FBXO6: variants seen among roughly 807,000 people sequenced by gnomAD.
FBXO6 encodes F-box protein 6.
In FBXO6, 13 loss-of-function variants were observed where a neutral mutation model predicts 25.0. That is an observed-to-expected ratio of 0.52 (90% confidence interval 0.34 to 0.83). The LOEUF (loss-of-function observed/expected upper bound fraction) is 0.83, where lower values mean the gene tolerates loss of function less well. FBXO6 is among the 40% of genes least tolerant of loss of function. FBXO6 has a pLI of 0.02. For synonymous variants in FBXO6, 138 were observed against 155.3 expected, an observed-to-expected ratio of 0.89 and a Z score of 0.83; for missense variants, 370 against 380.2, an observed-to-expected ratio of 0.97 and a Z score of 0.22.
At chr1:11,669,663 C>CGTATAT (rs1553167064) in intron 2 of FBXO6, among the ~76,000 whole-genome samples, 1 of 124,624 alleles carries the variant, frequency 8.0e-6, no homozygotes, top group Admixed American at 8.2e-5. Context: ...TACATATACA[C>CGTATAT]ATGTATATAT....
Position 11,673,913 on chromosome 1 carries a change from G to A in FBXO6, c.*62G>A. The A allele has an allele frequency of 6.6e-7, 1 of 1,510,984 alleles. No individual in the cohort carries two copies. The highest frequency in any genetic ancestry group is 9.2e-7 in the Non-Finnish European group (1 of 1,089,216). 93.6% of individuals were successfully genotyped at this position (1,510,984 alleles called of 1,614,324 possible). On this transcript the variant is annotated 3_prime_UTR_variant, in exon 6 of 6. Transcript: ENST00000376753. The surrounding 1 kb of genome is among the most constrained non-coding windows in gnomAD (Gnocchi z 4.3). Reference sequence around the variant, plus strand: ...CCTCCAGGCAGGAGCTGAGCATGGGGTGGGCAGTGAGGTCCCTGTACCAGC... The same window carrying A: ...CCTCCAGGCAGGAGCTGAGCATGGGATGGGCAGTGAGGTCCCTGTACCAGC...
chr1:11,673,680 G>C lies in FBXO6; in HGVS notation c.711G>C (p.Arg237Ser), dbSNP rs775624147. The change falls in exon 6 of 6, where the codon AGG becomes AGC. Residue 237 changes from arginine to serine, a missense_variant. Transcript: ENST00000376753. The surrounding 1 kb of genome is among the most constrained non-coding windows in gnomAD (Gnocchi z 4.3). ...VRYILFQHGG[R>S]DTQYWAGWYG... ...ACATCCTCTTCCAGCATGGGGGCAG[G>C]GACACCCAGTACTGGGCAGGCTGGT... is the stretch of plus-strand genomic sequence containing the variant. 1.2e-5 allele frequency: 19 copies of C among 1,613,948 alleles called. No individual in the cohort carries two copies. Among genetic ancestry groups the C allele is most frequent in the Non-Finnish European group, 1.5e-5 (18 of 1,180,026 alleles).
rs28924120 is a variant in FBXO6 at position 11,673,809 on chromosome 1, G to A, written c.840G>A (p.Glu280=). 3.0e-5 allele frequency: 49 copies of A among 1,613,984 alleles called. No homozygotes were observed. Among genetic ancestry groups the A allele is most frequent in the Non-Finnish European group, 4.1e-5 (48 of 1,180,044 alleles). The change falls in exon 6 of 6, where the codon GAG becomes GAA. Residue 280 remains glutamate (E), a synonymous_variant. Coordinates refer to ENST00000376753, the MANE Select transcript of FBXO6 (RefSeq NM_018438.6). This position sits in a 1 kb window ranked among gnomAD's most constrained non-coding sequence, Gnocchi z 4.3. The part of the protein sequence containing the change: ...AQPGQKHGQE[E]AAQSPYRAVV... ...CTGGGCAGAAGCATGGACAGGAGGAGGCTGCCCAATCGCCCTACCGAGCTG... is the reference window on the plus strand; with the variant it reads ...CTGGGCAGAAGCATGGACAGGAGGAAGCTGCCCAATCGCCCTACCGAGCTG...
chr1:11,673,316 C>CA lies in FBXO6; in HGVS notation c.552dup (p.Val185SerfsTer7). ...CCGACTGTGGCTGCACCTACCAACTCAAAGTGCAGCTGGCCTCGGCTGACT... is the reference window on the plus strand; with the variant it reads ...CCGACTGTGGCTGCACCTACCAACTCAAAAGTGCAGCTGGCCTCGGCTGACT... On this transcript the variant is annotated frameshift_variant, in exon 5 of 6. Coordinates refer to ENST00000376753, the MANE Select transcript of FBXO6 (RefSeq NM_018438.6). LOFTEE classifies it high-confidence loss of function. This position sits in a 1 kb window ranked among gnomAD's most constrained non-coding sequence, Gnocchi z 4.3. The CA allele has an allele frequency of 6.2e-7, 1 of 1,614,036 alleles. No homozygotes were observed. The highest frequency in any genetic ancestry group is 8.5e-7 in the Non-Finnish European group (1 of 1,179,996).
chr1:11,672,105 A>AAGTGCCCACTCTGCACAGC (rs1640635395), intron 4 of FBXO6, 82 bp downstream of exon 4: 11 of 1,265,882 alleles, frequency 8.7e-6, no homozygotes, highest in Non-Finnish European at 1.2e-5. Context: ...AACCCATAGC[A>AAGTGCCCACTCTGCACAGC]AGTGCCCACT....
chr1:11,665,136 C>T lies in FBXO6; in HGVS notation c.-4+881C>T, dbSNP rs564188339. Reference sequence around the variant, plus strand: ...CACGGCTCACTGCAGCCTCGACTTCCTGGGCTCAAGCGTTCCTCCTGCCTC... The same window carrying T: ...CACGGCTCACTGCAGCCTCGACTTCTTGGGCTCAAGCGTTCCTCCTGCCTC... On this transcript the variant is annotated intron_variant, in intron 1 of 5. Transcript: ENST00000376753. Among the ~76,000 whole-genome samples the T allele has an allele frequency of 4.6e-5, 7 of 151,454 alleles. No homozygotes were observed. The South Asian group carries it at 8.4e-4, about 18-fold the overall frequency.
chr1:11,668,908 C>G lies in FBXO6; in HGVS notation c.250C>G (p.Leu84Val), dbSNP rs778911625. The G allele has an allele frequency of 5.0e-6, 8 of 1,614,120 alleles. No individual in the cohort carries two copies. The highest frequency in any genetic ancestry group is 1.6e-4 in the Middle Eastern group (1 of 6,062). ...GAAAATCTTCTACTTCCTACGGAGC[C>G]TGCATAGGAACCTCCTGCGCAACCC... ...DWKIFYFLRS[L>V]HRNLLRNPCA... Residue 84 changes from leucine (L) to valine (V), a missense_variant, in exon 2 of 6, where the codon CTG (leucine) becomes GTG (valine). Leu to Val is a conservative substitution (Grantham distance 32). Coordinates refer to ENST00000376753, the MANE Select transcript of FBXO6 (RefSeq NM_018438.6).
Position 11,673,787 on chromosome 1 carries a change from G to A in FBXO6, c.818G>A (p.Gly273Glu). ...RNQASSEAQP[G>E]QKHGQEEAAQ... ...CAGGCCTCCTCCGAGGCTCAGCCTG[G>A]GCAGAAGCATGGACAGGAGGAGGCT... is the stretch of plus-strand genomic sequence containing the variant. The change falls in exon 6 of 6, where the codon GGG becomes GAG. Residue 273 changes from glycine to glutamate, a missense_variant. Transcript: ENST00000376753. The surrounding 1 kb of genome is among the most constrained non-coding windows in gnomAD (Gnocchi z 4.3). The A allele has an allele frequency of 6.2e-7, 1 of 1,614,136 alleles. No homozygotes were observed. Among genetic ancestry groups the A allele is most frequent in the Non-Finnish European group, 8.5e-7 (1 of 1,180,042 alleles).
At chr1:11,669,931 CG>C (rs1557673219) in intron 2 of FBXO6, among the ~76,000 whole-genome samples, 2 of 140,266 alleles carry the variant, frequency 1.4e-5, no homozygotes, top group African/African-American at 2.6e-5. Flanking sequence ...GCCACCACAC[CG>C]CCGGGGGCGG....
At position 11,673,218 on chromosome 1, in the gene FBXO6, C is replaced by G; in HGVS notation, c.510-59C>G. 6.4e-7 allele frequency: 1 copy of G among 1,554,722 alleles called. No individual in the cohort carries two copies. Among genetic ancestry groups the G allele is most frequent in the Non-Finnish European group, 8.7e-7 (1 of 1,151,230 alleles). On this transcript the variant is annotated intron_variant, in intron 4 of 5. Coordinates refer to ENST00000376753, the MANE Select transcript of FBXO6 (RefSeq NM_018438.6). The surrounding 1 kb of genome is among the most constrained non-coding windows in gnomAD (Gnocchi z 4.3). ...CTCCAATGTATAGGTCCCACCTGCC[C>G]CCACCCCTGGGGCCAGCCCTCGGTG... is the stretch of plus-strand genomic sequence containing the variant.
At chr1:11,664,499 GC>G (rs1640341583) in intron 1 of FBXO6, 1 of 146,356 alleles carries the variant, frequency 6.8e-6, no homozygotes, top group African/African-American at 2.6e-5. Context: ...CACGGAGCCT[GC>G]GGGCGCTGGT....
rs762928966 is a variant in FBXO6 at position 11,673,771 on chromosome 1, T to TC, written c.804dup (p.Glu269ArgfsTer68). The TC allele has an allele frequency of 1.3e-5, 21 of 1,614,060 alleles. No individual in the cohort carries two copies. Among genetic ancestry groups the TC allele is most frequent in the Non-Finnish European group, 1.7e-5 (20 of 1,180,024 alleles). On this transcript the variant is annotated frameshift_variant, in exon 6 of 6. Transcript: ENST00000376753. LOFTEE classifies it low-confidence loss of function (END_TRUNC). This position sits in a 1 kb window ranked among gnomAD's most constrained non-coding sequence, Gnocchi z 4.3. ...CAAGATGACCAGGAACCAGGCCTCC[T>TC]CCGAGGCTCAGCCTGGGCAGAAGCA... is the stretch of plus-strand genomic sequence containing the variant.
Position 11,671,117 on chromosome 1 carries a change from G to T in FBXO6, c.287-149G>T, listed in dbSNP as rs144287865. 2.3e-4 allele frequency: 220 copies of T among 975,882 alleles called. 2 individuals are homozygous for T. In the African/African-American group the frequency reaches 3.0e-3, roughly 14 times the overall value. The allele number at this position is 975,882 out of a possible 1,614,324, so 60.5% of individuals were successfully genotyped here. On this transcript the variant is annotated intron_variant, in intron 2 of 5. Coordinates refer to ENST00000376753, the MANE Select transcript of FBXO6 (RefSeq NM_018438.6). ...GCTGGTTAACCCTTTGGTGTCCACA[G>T]CCGCAGAGACCTGAGCATGAGCAAG...
intron 1 of FBXO6, among the ~76,000 whole-genome samples, chr1:11,665,208 CTAATT>C (rs1284022929): frequency 1.6e-5 from 2 of 123,328 alleles, no homozygotes; most frequent in Non-Finnish European, 3.2e-5. Context: ...CCAGGCCTAG[CTAATT>C]TCTTTTTTTT....
chr1:11,669,295 G>A (rs1640538290), intron 2 of FBXO6, among the ~76,000 whole-genome samples: 1 of 152,092 alleles, frequency 6.6e-6, no homozygotes. Context: ...GCAAAGCCCT[G>A]TCTCTACTAA....
In FBXO6 at chr1:11,673,271, C is replaced by T. The variant is rs1312234246; in HGVS notation, c.510-6C>T. Reference sequence around the variant, plus strand: ...TTGGACACAGGGCTCTCAACCCCTCCACCAGGTTTGCTGCCAGAGCCGACT... The same window carrying T: ...TTGGACACAGGGCTCTCAACCCCTCTACCAGGTTTGCTGCCAGAGCCGACT... On this transcript the variant is annotated splice_region_variant and splice_polypyrimidine_tract_variant and intron_variant, in intron 4 of 5. Transcript: ENST00000376753. This position sits in a 1 kb window ranked among gnomAD's most constrained non-coding sequence, Gnocchi z 4.3. The T allele has an allele frequency of 5.0e-6, 8 of 1,610,632 alleles. No homozygotes were observed. The highest frequency in any genetic ancestry group is 6.8e-6 in the Non-Finnish European group (8 of 1,178,334).
intron 2 of FBXO6, among the ~76,000 whole-genome samples, chr1:11,670,008 C>T (rs180909709): frequency 0.01 from 1,514 of 147,108 alleles, 30 homozygotes; most frequent in African/African-American, 0.035. Context: ...GTCAGGAGAT[C>T]GAGACCATCC....
rs1640607905 is a variant in FBXO6, at chr1:11,671,256, T to C, written c.287-10T>C. ...ACAGGGGGTCTCACCTTGGCTTCTG[T>C]TCTTCCTAGAGGATATGTTTGCATG... On this transcript the variant is annotated splice_polypyrimidine_tract_variant and intron_variant, in intron 2 of 5. Transcript: ENST00000376753. The C allele has an allele frequency of 6.2e-7, 1 of 1,612,606 alleles. No individual in the cohort carries two copies. Among genetic ancestry groups the C allele is most frequent in the Admixed American group, 1.7e-5 (1 of 59,974 alleles).
At chr1:11,669,684 A>G (rs1037076981) in intron 2 of FBXO6, among the ~76,000 whole-genome samples, 13 of 123,984 alleles carry the variant, frequency 1.0e-4, no homozygotes, top group Non-Finnish European at 2.1e-4. Context: ...GTACACATAT[A>G]TACGTATATA....
Sources: allele counts gnomAD v4.1 joint callset (sites outside exome capture counted in the v4.1 genomes callset), GRCh38; gene constraint gnomAD v4.1.1; non-coding constraint Gnocchi (gnomAD v3.1); transcripts MANE v1.5; gene names NCBI Gene and HGNC (gene_info 2026-07-23, HGNC 2026-07-21).